Variants in ATP8B4 observed in about 807,000 individuals in gnomAD.
ATP8B4 encodes the protein probable phospholipid-transporting ATPase IM.
A neutral mutation model predicts 145.6 loss-of-function variants in ATP8B4; 133 were observed. That is an observed-to-expected ratio of 0.91 (90% CI 0.79 to 1.05). The LOEUF is 1.05. ATP8B4 is among the 50% of genes least tolerant of loss of function. ATP8B4 has a pLI of 0.00. For missense variants in ATP8B4, 1,458 were observed against 1,425.2 expected (o/e 1.02, Z -0.37); for synonymous variants, 507 against 492.9 (o/e 1.03, Z -0.38).
At chr15:50,142,936 G>A (rs1229321463) in intron 1 of ATP8B4, among the ~76,000 whole-genome samples, 2 of 152,164 alleles carry the variant, frequency 1.3e-5, no homozygotes, top group African/African-American at 2.4e-5. Flanking sequence ...GAAACGAACT[G>A]TTTCAGGCTC....
Position 49,916,921 on chromosome 15 carries a change from C to T in ATP8B4, c.2141+13G>A. 6.2e-7 allele frequency: 1 copy of T among 1,609,726 alleles called. No homozygotes were observed. Among genetic ancestry groups the T allele is most frequent in the East Asian group, 2.2e-5 (1 of 44,846 alleles). On this transcript the variant is annotated intron_variant, in intron 20 of 27. Coordinates refer to ENST00000284509, the MANE Select transcript of ATP8B4 (RefSeq NM_024837.4). ...TCGTCCTTCCATCCTTTCCTCCTTCCTTCAACACCTACCTGAGTTCTTCTC... is the reference window on the plus strand; with the variant it reads ...TCGTCCTTCCATCCTTTCCTCCTTCTTTCAACACCTACCTGAGTTCTTCTC...
At chr15:50,153,342 C>CT (rs35816153) in intron 1 of ATP8B4, among the ~76,000 whole-genome samples, 83,143 of 143,664 alleles carry the variant, frequency 0.58, 24,384 homozygotes, top group East Asian at 0.93. Context: ...AAAGATACAC[C>CT]TTTTTTTTTT....
At chr15:50,154,474 T>C (rs1037217024) in intron 1 of ATP8B4, among the ~76,000 whole-genome samples, 9 of 152,292 alleles carry the variant, frequency 5.9e-5, no homozygotes, top group South Asian at 2.1e-4. Flanking sequence ...GGTACACTTA[T>C]ACAATTCTAT....
intron 12 of ATP8B4, among the ~76,000 whole-genome samples, chr15:49,974,606 TTC>T (rs1369043646): frequency 1.8e-4 from 27 of 152,252 alleles, no homozygotes; most frequent in Admixed American, 3.3e-4. Context: ...AGTTTATACT[TTC>T]TGTTTTTGTA....
intron 2 of ATP8B4, among the ~76,000 whole-genome samples, chr15:50,105,690 T>C (rs2056641413): frequency 6.6e-6 from 1 of 152,196 alleles, no homozygotes; most frequent in Admixed American, 6.5e-5. Flanking sequence ...GGTGGCATGA[T>C]TACAGCGACT....
intron 27 of ATP8B4, among the ~76,000 whole-genome samples, chr15:49,861,990 T>A (rs545407890): frequency 1.8e-4 from 27 of 152,362 alleles, no homozygotes; most frequent in African/African-American, 5.5e-4. Context: ...GTCAGCTTTT[T>A]AAAATACCCA....
intron 20 of ATP8B4, among the ~76,000 whole-genome samples, chr15:49,906,644 A>G (rs1002041823): frequency 6.6e-6 from 1 of 152,224 alleles, no homozygotes; most frequent in African/African-American, 2.4e-5. Context: ...TAGCAGCATC[A>G]TTAGTCTGAA....
At chr15:49,990,857 T>G (rs1567156375) in intron 9 of ATP8B4, among the ~76,000 whole-genome samples, 1 of 152,160 alleles carries the variant, frequency 6.6e-6, no homozygotes, top group Admixed American at 6.6e-5. Flanking sequence ...GTTCAAGAAT[T>G]TCTCTAGCCA....
At chr15:49,870,962 G>A (rs2033584174) in intron 25 of ATP8B4, among the ~76,000 whole-genome samples, 1 of 152,194 alleles carries the variant, frequency 6.6e-6, no homozygotes, top group South Asian at 2.1e-4. Context: ...GGTATCCTAG[G>A]TATTCCCACA....
chr15:50,042,302 T>A (rs1313201329), intron 5 of ATP8B4, among the ~76,000 whole-genome samples: 1 of 152,226 alleles, frequency 6.6e-6, no homozygotes, highest in Non-Finnish European at 1.5e-5. Context: ...ATTATTTGTG[T>A]GTATGTGTGC....
intron 23 of ATP8B4, among the ~76,000 whole-genome samples, chr15:49,883,934 TATG>T (rs2035828659): frequency 6.6e-6 from 1 of 152,222 alleles, no homozygotes; most frequent in African/African-American, 2.4e-5. Flanking sequence ...CATGAGTCTG[TATG>T]ATATGTGACA....
chr15:50,003,126 G>T (rs2048028334), intron 7 of ATP8B4, among the ~76,000 whole-genome samples: 1 of 151,982 alleles, frequency 6.6e-6, no homozygotes, highest in Non-Finnish European at 1.5e-5. Context: ...TGTATGATTG[G>T]CATTCCAAAT....
At chr15:49,868,621 A>G (rs1276567725) in intron 25 of ATP8B4, among the ~76,000 whole-genome samples, 4 of 152,194 alleles carry the variant, frequency 2.6e-5, no homozygotes. Flanking sequence ...AGGAGCATTT[A>G]ATAACATCCT....
At chr15:50,161,871 A>G (rs58441900) in intron 1 of ATP8B4, among the ~76,000 whole-genome samples, 9,083 of 152,094 alleles carry the variant, frequency 0.06, 326 homozygotes, top group African/African-American at 0.1. Flanking sequence ...CCGTCAGATG[A>G]TTTCTTAATC....
In ATP8B4 at chr15:49,987,429, C is replaced by G. The variant is rs764846204; in HGVS notation, c.710G>C (p.Arg237Thr). The change falls in exon 10 of 28, where the codon AGA (arginine) becomes ACA (threonine). Residue 237 changes from arginine (R) to threonine (T), a missense_variant. Arg to Thr is a moderately conservative substitution (Grantham distance 71). Transcript: ENST00000284509. ...EKIILRGCIL[R>T]NTSWCFGMVI... Reference sequence around the variant, plus strand: ...CATTCCAAAACACCAGCTGGTATTTCTCAGGATGCAGCCTCTCAGGATTAT... The same window carrying G: ...CATTCCAAAACACCAGCTGGTATTTGTCAGGATGCAGCCTCTCAGGATTAT... The G allele has an allele frequency of 3.1e-6, 5 of 1,613,870 alleles. No homozygotes were observed. Among genetic ancestry groups the G allele is most frequent in the Non-Finnish European group, 4.2e-6 (5 of 1,179,800 alleles).
At chr15:50,000,495 C>T (rs755990540) in intron 8 of ATP8B4, among the ~76,000 whole-genome samples, 3 of 152,084 alleles carry the variant, frequency 2.0e-5, no homozygotes, top group Non-Finnish European at 4.4e-5. Context: ...TGTACGTCCT[C>T]TTTGGTGAAA....
At chr15:50,137,663 G>A (rs1263913461) in intron 1 of ATP8B4, among the ~76,000 whole-genome samples, 1 of 152,184 alleles carries the variant, frequency 6.6e-6, no homozygotes, top group East Asian at 1.9e-4. Context: ...GCATGTCACT[G>A]TGCACCATGA....
intron 2 of ATP8B4, among the ~76,000 whole-genome samples, chr15:50,085,962 TTTA>T (rs1267221467): frequency 1.8e-5 from 1 of 55,274 alleles, no homozygotes; most frequent in Non-Finnish European, 3.2e-5. Flanking sequence ...ATCATATATA[TTTA>T]TATATGATAT....
intron 16 of ATP8B4, 126 bp downstream of exon 16, chr15:49,930,993 A>G (rs1169341284): frequency 9.8e-7 from 1 of 1,022,712 alleles, no homozygotes; most frequent in East Asian, 2.5e-5. Context: ...GCAACACAAG[A>G]GTTTATACAT....
Sources: gnomAD v4.1 joint callset for allele counts (sites outside exome capture counted in the v4.1 genomes callset) on GRCh38, gnomAD v4.1.1 for gene constraint, MANE v1.5 for transcripts, NCBI Gene and HGNC (gene_info 2026-07-23, HGNC 2026-07-21) for gene names.